Variants in CTNNA2 observed in about 807,000 individuals in gnomAD.
The protein encoded by CTNNA2 is catenin alpha-2.
CTNNA2 carries 42 observed loss-of-function variants against 101.0 expected under a neutral mutation model. The ratio of observed to expected loss-of-function variants is 0.42; its 90% CI spans 0.32 to 0.54. CTNNA2 has a LOEUF of 0.54. CTNNA2 is among the 20% of genes least tolerant of loss of function. CTNNA2 has a pLI of 0.14. For synonymous variants in CTNNA2, 450 were observed against 456.4 expected (o/e 0.99, Z 0.18); for missense variants, 871 against 1,223.1 (o/e 0.71, Z 4.29).
intron 2 of CTNNA2, among the ~76,000 whole-genome samples, chr2:79,741,807 T>A (rs1671304234): frequency 6.6e-6 from 1 of 152,202 alleles, no homozygotes; most frequent in Admixed American, 6.5e-5. Flanking sequence ...AATGTTTACT[T>A]TTCTAATACT....
chr2:79,865,971 G>A (rs1248570168), intron 4 of CTNNA2, among the ~76,000 whole-genome samples: 1 of 152,114 alleles, frequency 6.6e-6, no homozygotes, highest in African/African-American at 2.4e-5. Flanking sequence ...CGCCCGCCTC[G>A]GCCTCCCGAA....
intron 17 of CTNNA2, chr2:80,616,501 G>C (rs541250490): frequency 6.6e-6 from 1 of 151,640 alleles, no homozygotes; most frequent in African/African-American, 2.4e-5. Context: ...TCAATCTTTT[G>C]TGCTAAGAAG....
chr2:79,319,427 TTTC>T (rs1222697482), intron 3 of CTNNA2, among the ~76,000 whole-genome samples: 1 of 152,180 alleles, frequency 6.6e-6, no homozygotes, highest in African/African-American at 2.4e-5. Context: ...TTTCTTCACC[TTTC>T]TTTTCAGTCT....
At chr2:80,039,244 C>T (rs72924607) in intron 7 of CTNNA2, among the ~76,000 whole-genome samples, 3,278 of 152,200 alleles carry the variant, frequency 0.022, 115 homozygotes, top group African/African-American at 0.075. Flanking sequence ...CCTGCCCCCA[C>T]CACCACTGTG....
chr2:79,325,858 GTCTC>G (rs1676734043), intron 3 of CTNNA2, among the ~76,000 whole-genome samples: 1 of 152,170 alleles, frequency 6.6e-6, no homozygotes, highest in Middle Eastern at 3.2e-3. Context: ...GGGGAGGTGT[GTCTC>G]TCTACCAAAC....
intron 3 of CTNNA2, among the ~76,000 whole-genome samples, chr2:79,804,619 T>G (rs1242048078): frequency 1.3e-5 from 2 of 152,102 alleles, no homozygotes; most frequent in Admixed American, 1.3e-4. Context: ...AATGTGAGCA[T>G]AGATTATTCT....
intron 2 of CTNNA2, among the ~76,000 whole-genome samples, chr2:79,229,180 G>A (rs954549850): frequency 9.2e-5 from 14 of 152,150 alleles, no homozygotes; most frequent in African/African-American, 2.4e-4. Context: ...TTGAAGTTGG[G>A]CAATGTGATT....
chr2:79,297,058 T>A (rs543355095), intron 2 of CTNNA2, among the ~76,000 whole-genome samples: 1 of 152,288 alleles, frequency 6.6e-6, no homozygotes, highest in Admixed American at 6.5e-5. Flanking sequence ...TCATTGATAC[T>A]GATCTCTGCC....
At chr2:80,288,364 G>A (rs1674957929) in intron 7 of CTNNA2, 1 of 152,152 alleles carries the variant, frequency 6.6e-6, no homozygotes, top group South Asian at 2.1e-4. Context: ...CATTACACTT[G>A]TATTAACATT....
chr2:80,259,805 T>C (rs1672457567), intron 7 of CTNNA2, among the ~76,000 whole-genome samples: 1 of 152,198 alleles, frequency 6.6e-6, no homozygotes, highest in Non-Finnish European at 1.5e-5. Context: ...TACTAAGTAA[T>C]AATGGACAAA....
At chr2:80,601,469 A>G (rs887561654) in intron 15 of CTNNA2, among the ~76,000 whole-genome samples, 1 of 87,386 alleles carries the variant, frequency 1.1e-5, no homozygotes, top group African/African-American at 4.2e-5. Flanking sequence ...TGTTTCTTCC[A>G]TGGAAATCAG....
Position 80,300,599 on chromosome 2 carries a change from C to T in CTNNA2, c.1057-92612C>T, listed in dbSNP as rs1676194851. On this transcript the variant is annotated intron_variant, in intron 7 of 18. Coordinates refer to ENST00000402739, the MANE Select transcript of CTNNA2 (RefSeq NM_001282597.3). ...GTGGTTCCCCATCCCCCCATTCCCT[C>T]TTCCTGCTATTTGGACTTCTCTCTC... Among the ~76,000 whole-genome samples, 3 of 151,890 alleles carry T rather than the reference C, an allele frequency of 2.0e-5. 1 individual carries two copies. In the South Asian group the frequency reaches 6.2e-4, roughly 32 times the overall value.
intron 4 of CTNNA2, among the ~76,000 whole-genome samples, chr2:79,404,400 C>A (rs1245668362): frequency 6.6e-6 from 1 of 152,036 alleles, no homozygotes; most frequent in African/African-American, 2.4e-5. Flanking sequence ...CAGCCTTGTA[C>A]TTGGAGGTAA....
At chr2:80,146,247 A>T (rs534416955) in intron 7 of CTNNA2, among the ~76,000 whole-genome samples, 1 of 152,326 alleles carries the variant, frequency 6.6e-6, no homozygotes, top group South Asian at 2.1e-4. Flanking sequence ...CGTGGAGCAT[A>T]GATTAGCTGT....
intron 2 of CTNNA2, among the ~76,000 whole-genome samples, chr2:79,304,423 A>AT (rs1676184996): frequency 6.6e-6 from 1 of 152,092 alleles, no homozygotes; most frequent in Admixed American, 6.5e-5. Flanking sequence ...TTTTAATGCA[A>AT]TTTCCACTCT....
At chr2:80,052,066 A>G (rs1292234094) in intron 7 of CTNNA2, among the ~76,000 whole-genome samples, 1 of 152,200 alleles carries the variant, frequency 6.6e-6, no homozygotes, top group East Asian at 1.9e-4. Flanking sequence ...AAGGGTAGAG[A>G]AAGGTATTCA....
chr2:79,457,807 G>GCTCACTCTCC (rs1325846387), intron 4 of CTNNA2, among the ~76,000 whole-genome samples: 5 of 152,174 alleles, frequency 3.3e-5, no homozygotes, highest in Non-Finnish European at 5.9e-5. Flanking sequence ...AAGCCCACTT[G>GCTCACTCTCC]CTCACTCTCC....
At chr2:79,317,978 T>C (rs1473523174) in intron 3 of CTNNA2, among the ~76,000 whole-genome samples, 1 of 152,052 alleles carries the variant, frequency 6.6e-6, no homozygotes, top group Non-Finnish European at 1.5e-5. Context: ...TAGAGTAAAA[T>C]ATATGATTGT....
intron 9 of CTNNA2, among the ~76,000 whole-genome samples, chr2:80,425,002 A>G (rs1680869109): frequency 6.6e-6 from 1 of 152,176 alleles, no homozygotes; most frequent in Non-Finnish European, 1.5e-5. Flanking sequence ...GAAAACTCCA[A>G]GGAATTCTCT....
Sources: allele counts gnomAD v4.1 joint callset (sites outside exome capture counted in the v4.1 genomes callset), GRCh38; gene constraint gnomAD v4.1.1; transcripts MANE v1.5; gene names NCBI Gene and HGNC (gene_info 2026-07-23, HGNC 2026-07-21).